Variants in XDH observed in about 807,000 individuals in gnomAD.
XDH encodes xanthine dehydrogenase/oxidase.
In XDH, 138 loss-of-function variants were observed where a neutral mutation model predicts 156.1. That is an observed-to-expected ratio of 0.88 (90% CI 0.77 to 1.02). The LOEUF (loss-of-function observed/expected upper bound fraction) is 1.02. Among genes scored for constraint, XDH ranks in the 50% least tolerant of loss-of-function variants. The pLI, the probability that XDH is intolerant of heterozygous loss-of-function variation, is 0.00. For missense variants in XDH, 1,849 were observed against 1,684.9 expected (o/e 1.10, Z -1.71); for synonymous variants, 669 against 625.7 (o/e 1.07, Z -1.03).
At chr2:31,380,418 C>A (rs191170237) in intron 12 of XDH, among the ~76,000 whole-genome samples, 1 of 152,158 alleles carries the variant, frequency 6.6e-6, no homozygotes, top group Non-Finnish European at 1.5e-5. Flanking sequence ...CAGCTCACTG[C>A]GCCTAAATTA....
In XDH at chr2:31,348,190, C is replaced by A; in HGVS notation, c.3147+78G>T. On this transcript the variant is annotated intron_variant, in intron 28 of 35. Transcript: ENST00000379416. The stretch of plus-strand genomic sequence containing the variant: ...GCCAGACCCCGGGCCTGCTTCTGCT[C>A]TGATAGGTCCCACTGCTCAATTTCT... The A allele has an allele frequency of 4.1e-6, 6 of 1,464,378 alleles. 1 individual carries two copies. Among genetic ancestry groups the A allele is most frequent in the Non-Finnish European group, 5.7e-6 (6 of 1,053,126 alleles). The allele number at this position is 1,464,378 out of a possible 1,614,324, so 90.7% of individuals were successfully genotyped here. A position where few individuals can be genotyped will look rare whatever the true frequency, so the allele number is the denominator to read the frequency against.
chr2:31,364,333 C>A, intron 23 of XDH, 89 bp from the exon 24 acceptor site: 4 of 1,297,198 alleles, frequency 3.1e-6, no homozygotes, highest in Non-Finnish European at 3.3e-6. Context: ...CCACTTATGT[C>A]ACCTGGAGGA....
At chr2:31,393,012 A>G (rs1686808730) in intron 6 of XDH, among the ~76,000 whole-genome samples, 1 of 152,326 alleles carries the variant, frequency 6.6e-6, no homozygotes, top group East Asian at 1.9e-4. Context: ...ATCTCTATTC[A>G]TGCAATTTAA....
At chr2:31,374,274 C>G (rs1185328957) in intron 15 of XDH, among the ~76,000 whole-genome samples, 1 of 152,196 alleles carries the variant, frequency 6.6e-6, no homozygotes, top group Non-Finnish European at 1.5e-5. Context: ...GTATCCTTCT[C>G]CTCCTTCCTT....
At chr2:31,366,780 C>T (rs1685924958) in intron 21 of XDH, 90 bp downstream of exon 21, 2 of 1,604,302 alleles carry the variant, frequency 1.2e-6, no homozygotes, top group African/African-American at 2.7e-5. Flanking sequence ...CCCACATCTC[C>T]CTCTTCCTAT....
chr2:31,397,795 T>C, intron 5 of XDH, 66 bp from the exon 6 acceptor site: 1 of 1,592,842 alleles, frequency 6.3e-7, no homozygotes, highest in East Asian at 2.2e-5. Flanking sequence ...AGTTTGTGAC[T>C]TTGCTTGCAA....
chr2:31,385,349 C>T (rs1321735201), intron 9 of XDH, among the ~76,000 whole-genome samples: 1 of 152,188 alleles, frequency 6.6e-6, no homozygotes, highest in Non-Finnish European at 1.5e-5. Flanking sequence ...CTCAGTGTGT[C>T]ACAAAACCAC....
intron 24 of XDH, among the ~76,000 whole-genome samples, chr2:31,356,626 G>A (rs1440083357): frequency 6.6e-6 from 1 of 152,162 alleles, no homozygotes; most frequent in Non-Finnish European, 1.5e-5. Flanking sequence ...GCTTCCAGAG[G>A]ATGTGCGGTC....
At chr2:31,380,438 T>A (rs6733391) in intron 12 of XDH, among the ~76,000 whole-genome samples, 62,717 of 151,994 alleles carry the variant, frequency 0.41, 14,451 homozygotes, top group African/African-American at 0.63. Flanking sequence ...ATCTGTACAA[T>A]CAATAGTTTA....
chr2:31,358,161 C>T (rs1163034521), intron 24 of XDH, among the ~76,000 whole-genome samples: 1 of 152,122 alleles, frequency 6.6e-6, no homozygotes, highest in Non-Finnish European at 1.5e-5. Flanking sequence ...CCACATCACA[C>T]TTATTCCAAA....
Position 31,405,936 on chromosome 2 carries a change from G to T in XDH, c.71C>A (p.Thr24Lys), listed in dbSNP as rs777486975. 6.2e-7 allele frequency: 1 copy of T among 1,614,154 alleles called. No homozygotes were observed. Among genetic ancestry groups the T allele is most frequent in the South Asian group, 1.1e-5 (1 of 91,086 alleles). The part of the protein sequence containing the change: ...KVVEKNADPE[T>K]TLLAYLRRKL... Reference sequence around the variant, plus strand: ...TCTTCTCAGGTAGGCCAAAAGGGTTGTCTCTGGATCTGCATTTTTCTCCAC... The same window carrying T: ...TCTTCTCAGGTAGGCCAAAAGGGTTTTCTCTGGATCTGCATTTTTCTCCAC... The change falls in exon 2 of 36, where the codon ACA becomes AAA. Residue 24 changes from threonine (T) to lysine (K), a missense_variant. By Grantham distance (78) the Thr-to-Lys change is moderately conservative. Coordinates refer to ENST00000379416, the MANE Select transcript of XDH (RefSeq NM_000379.4).
chr2:31,366,452 T>C (rs1039584109), intron 21 of XDH, among the ~76,000 whole-genome samples: 8 of 152,190 alleles, frequency 5.3e-5, no homozygotes, highest in African/African-American at 1.9e-4. Context: ...AAACAAAGAA[T>C]ATTTGAGCTG....
chr2:31,378,123 G>GAAAGAAAGAAAGAAAGAAAGAAA (rs1558696709), intron 13 of XDH, among the ~76,000 whole-genome samples: 5 of 39,928 alleles, frequency 1.3e-4, no homozygotes, highest in African/African-American at 4.8e-4. Context: ...AGGAAGGAAG[G>GAAAGAAAGAAAGAAAGAAAGAAA]AAGGAAGGAA....
At chr2:31,410,878 G>A (rs1046108216) in intron 1 of XDH, among the ~76,000 whole-genome samples, 3 of 152,128 alleles carry the variant, frequency 2.0e-5, no homozygotes, top group African/African-American at 7.2e-5. Context: ...CTGGGGTTGG[G>A]GAGTTATAAA....
Position 31,366,880 on chromosome 2 carries a change from A to C in XDH, c.2312T>G (p.Met771Arg). 1 of 1,614,176 alleles carries C rather than the reference A, an allele frequency of 6.2e-7. No homozygotes were observed. Among genetic ancestry groups the C allele is most frequent in the Non-Finnish European group, 8.5e-7 (1 of 1,180,018 alleles). Residue 771 changes from methionine to arginine, a missense_variant, in exon 21 of 36, where the codon ATG (methionine) becomes AGG (arginine). Physicochemically the swap from Met to Arg is moderately conservative, Grantham distance 91. Coordinates refer to ENST00000379416, the MANE Select transcript of XDH (RefSeq NM_000379.4). ...MELFVSTQNT[M>R]KTQSFVAKML... ...CCAAAAGGCATCTACCTGGGTCTTC[A>C]TGGTGTTCTGTGTAGACACAAAGAG... is the stretch of plus-strand genomic sequence containing the variant.
intron 1 of XDH, among the ~76,000 whole-genome samples, chr2:31,407,841 A>C (rs1687233417): frequency 6.6e-6 from 1 of 152,234 alleles, no homozygotes; most frequent in Non-Finnish European, 1.5e-5. Flanking sequence ...AGATGAAATT[A>C]ATTTTCTTAT....
At position 31,337,672 on chromosome 2, in the gene XDH, C is replaced by T. The variant is rs138249576; in HGVS notation, c.3920G>A (p.Arg1307His). The change falls in exon 35 of 36, where the codon CGC (arginine) becomes CAC (histidine). Residue 1307 changes from arginine (R) to histidine (H), a missense_variant. Arg to His is a conservative substitution (Grantham distance 29). Coordinates refer to ENST00000379416, the MANE Select transcript of XDH (RefSeq NM_000379.4). Reference protein sequence around the residue: ...LDSPATPEKIRNACVDKFTTL... With the variant: ...LDSPATPEKIHNACVDKFTTL... ...GGTGAACTTGTCCACGCAGGCATTG[C>T]GGATCTTCTCCGGGGTGGCAGGGCT... 244 of 1,614,152 alleles carry T rather than the reference C, an allele frequency of 1.5e-4. No homozygotes were observed. The African/African-American group carries it at 3.0e-3, about 20-fold the overall frequency.
intron 6 of XDH, among the ~76,000 whole-genome samples, chr2:31,389,319 A>T (rs1686699132): frequency 1.3e-5 from 2 of 152,166 alleles, no homozygotes; most frequent in South Asian, 4.1e-4. Flanking sequence ...CAGTGGCATC[A>T]GGAGAGAAAC....
chr2:31,381,748 C>A, intron 11 of XDH, 22 bp from the exon 12 acceptor site: 3 of 1,601,274 alleles, frequency 1.9e-6, no homozygotes, highest in Non-Finnish European at 2.6e-6. Context: ...AGAGAGCATG[C>A]AGTGAGAGCC....
Sources: gnomAD v4.1 joint callset for allele counts (sites outside exome capture counted in the v4.1 genomes callset) on GRCh38, gnomAD v4.1.1 for gene constraint, MANE v1.5 for transcripts, NCBI Gene and HGNC (gene_info 2026-07-23, HGNC 2026-07-21) for gene names.